The following GRM8 variants were observed in gnomAD, a reference collection of about 807,000 sequenced individuals.
GRM8 encodes metabotropic glutamate receptor 8.
In GRM8, 47 loss-of-function variants were observed where a neutral mutation model predicts 87.2. The ratio of observed to expected loss-of-function variants is 0.54; its 90% CI spans 0.43 to 0.69. The LOEUF is 0.69. Among genes scored for constraint, GRM8 ranks in the 30% least tolerant of loss-of-function variants. GRM8 has a pLI of 0.00. For synonymous variants in GRM8, 396 were observed against 404.5 expected (o/e 0.98, Z 0.25); for missense variants, 1,019 against 1,139.2 (o/e 0.89, Z 1.52).
At chr7:127,062,587 G>C (rs1480618381) in intron 3 of GRM8, among the ~76,000 whole-genome samples, 1 of 152,164 alleles carries the variant, frequency 6.6e-6, no homozygotes, top group Non-Finnish European at 1.5e-5. Flanking sequence ...CTGTAGGAAT[G>C]GTTGGTACTT....
intron 8 of GRM8, among the ~76,000 whole-genome samples, chr7:126,604,977 T>A (rs1240939379): frequency 6.6e-6 from 1 of 152,218 alleles, no homozygotes; most frequent in African/African-American, 2.4e-5. Context: ...ATTCAACTTA[T>A]TTCCTTGATT....
intron 9 of GRM8, among the ~76,000 whole-genome samples, chr7:126,527,124 C>T (rs531206696): frequency 2.2e-4 from 33 of 152,226 alleles, no homozygotes; most frequent in African/African-American, 7.5e-4. Context: ...TTTGGGAGGC[C>T]GAGGCGGGTG....
chr7:126,628,574 A>C (rs887118905), intron 7 of GRM8, among the ~76,000 whole-genome samples: 2 of 152,232 alleles, frequency 1.3e-5, no homozygotes, highest in African/African-American at 4.8e-5. Flanking sequence ...ATATTAAATG[A>C]AAAAAGTAAG....
At chr7:126,742,290 A>G (rs1428336668) in intron 7 of GRM8, among the ~76,000 whole-genome samples, 1 of 152,070 alleles carries the variant, frequency 6.6e-6, no homozygotes, top group African/African-American at 2.4e-5. Flanking sequence ...ACATTTTTTA[A>G]CTTTATATAG....
At chr7:127,199,971 G>A in intron 2 of GRM8, among the ~76,000 whole-genome samples, 1 of 152,248 alleles carries the variant, frequency 6.6e-6, no homozygotes, top group African/African-American at 2.4e-5. Context: ...ACTTGTAGAA[G>A]TATTTATCAT....
chr7:127,082,581 A>T (rs2132802757), intron 3 of GRM8, among the ~76,000 whole-genome samples: 1 of 152,318 alleles, frequency 6.6e-6, no homozygotes, highest in South Asian at 2.1e-4. Flanking sequence ...AGGCTAATGG[A>T]AGTTTCCATT....
chr7:127,205,766 G>A (rs554653968), intron 2 of GRM8, among the ~76,000 whole-genome samples: 2 of 152,188 alleles, frequency 1.3e-5, no homozygotes, highest in African/African-American at 4.8e-5. Flanking sequence ...ACTTTCACAT[G>A]GTCTTTCACA....
At chr7:126,678,849 T>C (rs966051010) in intron 7 of GRM8, among the ~76,000 whole-genome samples, 1 of 152,210 alleles carries the variant, frequency 6.6e-6, no homozygotes, top group Admixed American at 6.5e-5. Context: ...CTCTCTATTG[T>C]ATTAAATTTA....
At chr7:126,868,435 A>G (rs1204524) in intron 6 of GRM8, among the ~76,000 whole-genome samples, 98,536 of 152,054 alleles carry the variant, frequency 0.65, 32,185 homozygotes, top group African/African-American at 0.71. Context: ...ATGAGCTGAG[A>G]CTACAAAAGT....
intron 7 of GRM8, among the ~76,000 whole-genome samples, chr7:126,641,972 T>C (rs987358536): frequency 3.3e-5 from 5 of 152,166 alleles, no homozygotes; most frequent in Admixed American, 1.3e-4. Flanking sequence ...GGAGCTCCTC[T>C]AACTAGAACT....
intron 6 of GRM8, among the ~76,000 whole-genome samples, chr7:126,786,441 T>G (rs763898596): frequency 1.3e-4 from 20 of 152,196 alleles, no homozygotes; most frequent in Non-Finnish European, 2.5e-4. Context: ...TTTAAGACAA[T>G]TTTGTTAATG....
At chr7:126,616,919 G>A (rs759487729) in intron 7 of GRM8, among the ~76,000 whole-genome samples, 59 of 152,236 alleles carry the variant, frequency 3.9e-4, no homozygotes, top group Non-Finnish European at 5.6e-4. Flanking sequence ...AGGACCAGAC[G>A]GATTCAGAGC....
chr7:126,952,792 G>T (rs1324128259), intron 3 of GRM8, among the ~76,000 whole-genome samples: 2 of 151,920 alleles, frequency 1.3e-5, no homozygotes, highest in African/African-American at 2.4e-5. Context: ...AAAATATAAG[G>T]TCTTAAAAGT....
chr7:126,955,251 A>G (rs1808557924), intron 3 of GRM8, among the ~76,000 whole-genome samples: 2 of 152,150 alleles, frequency 1.3e-5, no homozygotes, highest in African/African-American at 4.8e-5. Context: ...ATAACAGCCA[A>G]TGTTTAAGCT....
chr7:126,994,772 C>T (rs1813017226), intron 3 of GRM8, among the ~76,000 whole-genome samples: 1 of 152,030 alleles, frequency 6.6e-6, no homozygotes, highest in South Asian at 2.1e-4. Context: ...AATTCTAATC[C>T]CTGGCTCCCA....
rs546153910 is a variant in GRM8, at chr7:126,779,716, AT to A, written c.1157-9652del. Among the ~76,000 whole-genome samples the A allele has an allele frequency of 8.5e-3, 1,292 of 152,172 alleles. 25 individuals are homozygous for A. The highest frequency in any genetic ancestry group is 0.029 in the African/African-American group (1,219 of 41,528). On this transcript the variant is annotated intron_variant, in intron 6 of 10. Coordinates refer to ENST00000339582, the MANE Select transcript of GRM8 (RefSeq NM_000845.3). ...TTATGTTTTGTAGCTTTATAAAATG[AT>A]TTATTTTCATTAACTGGTATAATTT...
chr7:127,077,953 G>T (rs1822466198), intron 3 of GRM8, among the ~76,000 whole-genome samples: 1 of 152,170 alleles, frequency 6.6e-6, no homozygotes, highest in Admixed American at 6.5e-5. Flanking sequence ...CATGTAGTAG[G>T]TCGAGGCCAG....
intron 3 of GRM8, among the ~76,000 whole-genome samples, chr7:126,957,001 G>C (rs1347847095): frequency 1.3e-5 from 2 of 152,104 alleles, no homozygotes; most frequent in Non-Finnish European, 2.9e-5. Context: ...TTCAACTCTA[G>C]GTAACAAATC....
chr7:127,018,858 C>G (rs775570725), intron 3 of GRM8, among the ~76,000 whole-genome samples: 3 of 151,920 alleles, frequency 2.0e-5, no homozygotes, highest in Non-Finnish European at 4.4e-5. Context: ...AAGGGAAAAA[C>G]AGACGACACT....
Sources: allele counts gnomAD v4.1 joint callset (sites outside exome capture counted in the v4.1 genomes callset), GRCh38; gene constraint gnomAD v4.1.1; transcripts MANE v1.5; gene names NCBI Gene and HGNC (gene_info 2026-07-23, HGNC 2026-07-21).